The following NCAM2 variants were observed in gnomAD, a reference collection of about 807,000 sequenced individuals.
The protein encoded by NCAM2 is neural cell adhesion molecule 2, also known as N-CAM-2.
Under a neutral mutation model 98.1 loss-of-function variants are expected in NCAM2, and 30 were observed. That is an observed-to-expected ratio of 0.31 (90% CI 0.23 to 0.41). The LOEUF is 0.41. Among genes scored for constraint, NCAM2 ranks in the 10% least tolerant of loss-of-function variants. The pLI is 1.00. For missense variants in NCAM2, 867 were observed against 1,005.8 expected (o/e 0.86, Z 1.87); for synonymous variants, 368 against 342.4 (o/e 1.07, Z -0.83).
chr21:21,450,835 T>C (rs548490119), intron 12 of NCAM2, among the ~76,000 whole-genome samples: 6,600 of 140,032 alleles, frequency 0.047, 178 homozygotes, highest in South Asian at 0.076. Flanking sequence ...CACACACACA[T>C]ATCTCCTGTC....
chr21:21,263,602 C>T (rs1385634325), intron 1 of NCAM2, among the ~76,000 whole-genome samples: 1 of 152,050 alleles, frequency 6.6e-6, no homozygotes, highest in Non-Finnish European at 1.5e-5. Context: ...TGCCTGACTT[C>T]AAACTATACC....
At chr21:21,498,931 C>G (rs1987438134) in intron 15 of NCAM2, among the ~76,000 whole-genome samples, 1 of 152,156 alleles carries the variant, frequency 6.6e-6, no homozygotes, top group Admixed American at 6.5e-5. Flanking sequence ...ATCTCCTTAT[C>G]TCAAAACTGA....
chr21:21,107,698 C>T (rs1437151444), intron 1 of NCAM2, among the ~76,000 whole-genome samples: 2 of 152,034 alleles, frequency 1.3e-5, no homozygotes, highest in African/African-American at 4.8e-5. Context: ...ACTCAGGACA[C>T]AAACTATTTT....
At chr21:21,291,867 G>A (rs8133151) in intron 4 of NCAM2, among the ~76,000 whole-genome samples, 2,378 of 149,760 alleles carry the variant, frequency 0.016, 58 homozygotes, top group African/African-American at 0.056. Flanking sequence ...TGGATATAAA[G>A]TCTTGAATGT....
chr21:21,312,100 C>A (rs980941345), intron 5 of NCAM2, among the ~76,000 whole-genome samples: 2 of 152,046 alleles, frequency 1.3e-5, no homozygotes, highest in African/African-American at 2.4e-5. Flanking sequence ...ATAAAGTATT[C>A]ACTTCTTTAC....
chr21:21,143,285 T>C (rs1188387323), intron 1 of NCAM2, among the ~76,000 whole-genome samples: 1 of 152,186 alleles, frequency 6.6e-6, no homozygotes, highest in African/African-American at 2.4e-5. Flanking sequence ...TTATATGAAG[T>C]GTGTGTCAAC....
At chr21:21,507,365 C>T (rs1193403041) in intron 15 of NCAM2, among the ~76,000 whole-genome samples, 1 of 152,040 alleles carries the variant, frequency 6.6e-6, no homozygotes, top group Non-Finnish European at 1.5e-5. Context: ...GTTTTATATA[C>T]ATATTTTTTC....
At chr21:21,415,559 T>C (rs953880081) in intron 10 of NCAM2, among the ~76,000 whole-genome samples, 6 of 152,000 alleles carry the variant, frequency 3.9e-5, no homozygotes, top group African/African-American at 1.4e-4. Context: ...ATGATCTCGA[T>C]CTCCTGACCT....
In NCAM2 at chr21:21,468,748, G is replaced by A. The variant is rs1380664575; in HGVS notation, c.1861G>A (p.Ala621Thr). The A allele has an allele frequency of 5.0e-6, 8 of 1,611,696 alleles. No homozygotes were observed. Among genetic ancestry groups the A allele is most frequent in the Non-Finnish European group, 5.9e-6 (7 of 1,178,630 alleles). Residue 621 changes from alanine (A) to threonine (T), a missense_variant, in exon 14 of 18, where the codon GCC becomes ACC. Ala to Thr is a moderately conservative substitution (Grantham distance 58). Coordinates refer to ENST00000400546, the MANE Select transcript of NCAM2 (RefSeq NM_004540.5). ...LSITKQDDGGAPILEYIVKYR... is the reference protein window; with the variant it reads ...LSITKQDDGGTPILEYIVKYR... ...CATCACCAAACAGGACGATGGAGGG[G>A]CCCCTATTTTGGAATACATTGTGAA...
intron 15 of NCAM2, among the ~76,000 whole-genome samples, chr21:21,505,168 A>G (rs1339418191): frequency 6.6e-6 from 1 of 152,076 alleles, no homozygotes; most frequent in African/African-American, 2.4e-5. Context: ...AGAAAAAAGT[A>G]CTAGCTATTA....
intron 1 of NCAM2, among the ~76,000 whole-genome samples, chr21:21,028,545 G>T (rs1183065253): frequency 6.6e-6 from 1 of 152,128 alleles, no homozygotes; most frequent in East Asian, 1.9e-4. Flanking sequence ...GCATCTCTTC[G>T]TTATTGCCAG....
chr21:21,477,944 A>G (rs1208271875), intron 15 of NCAM2, among the ~76,000 whole-genome samples: 2 of 152,198 alleles, frequency 1.3e-5, no homozygotes, highest in African/African-American at 4.8e-5. Context: ...AGCCACAAAT[A>G]TAATTCCATA....
chr21:21,306,943 A>G (rs571208624), intron 5 of NCAM2, among the ~76,000 whole-genome samples: 76 of 151,916 alleles, frequency 5.0e-4, no homozygotes, highest in African/African-American at 1.8e-3. Context: ...GAGAGTATGC[A>G]ATGTTTGCTC....
intron 8 of NCAM2, among the ~76,000 whole-genome samples, chr21:21,357,559 T>G (rs2075524116): frequency 6.6e-6 from 1 of 152,072 alleles, no homozygotes; most frequent in Non-Finnish European, 1.5e-5. Context: ...AATGAAAAAC[T>G]AAAATATAAA....
intron 12 of NCAM2, among the ~76,000 whole-genome samples, chr21:21,437,757 A>G (rs2826840): frequency 0.14 from 20,957 of 152,002 alleles, 1,458 homozygotes; most frequent in Middle Eastern, 0.18. Flanking sequence ...TTGATGTTTC[A>G]GAGTTTGCTT....
chr21:21,185,899 A>C (rs1021882101), intron 1 of NCAM2, among the ~76,000 whole-genome samples: 14 of 152,216 alleles, frequency 9.2e-5, no homozygotes, highest in African/African-American at 2.4e-4. Flanking sequence ...ATTAATATAC[A>C]ATAAAAATGC....
intron 9 of NCAM2, among the ~76,000 whole-genome samples, chr21:21,405,797 T>C (rs1214375999): frequency 6.6e-6 from 1 of 152,168 alleles, no homozygotes; most frequent in African/African-American, 2.4e-5. Context: ...CAATATTTCT[T>C]ATTAATTCAA....
intron 8 of NCAM2, among the ~76,000 whole-genome samples, chr21:21,339,432 A>G (rs975557744): frequency 5.3e-5 from 8 of 152,046 alleles, no homozygotes; most frequent in Admixed American, 2.0e-4. Context: ...ACAACTTTTC[A>G]TATGAACTTC....
intron 1 of NCAM2, among the ~76,000 whole-genome samples, chr21:21,127,607 T>G (rs183023212): frequency 9.2e-5 from 14 of 152,252 alleles, no homozygotes; most frequent in African/African-American, 3.4e-4. Flanking sequence ...CTCTCTTCAT[T>G]CTGCCTCCCT....
Sources: allele counts gnomAD v4.1 joint callset (sites outside exome capture counted in the v4.1 genomes callset), GRCh38; gene constraint gnomAD v4.1.1; transcripts MANE v1.5; gene names NCBI Gene and HGNC (gene_info 2026-07-23, HGNC 2026-07-21).